The following ANGPT1 variants were observed in gnomAD, a reference collection of about 807,000 sequenced individuals.
ANGPT1 encodes the protein angiopoietin 1.
Under a neutral mutation model 62.2 loss-of-function variants are expected in ANGPT1, and 17 were observed. That is an observed-to-expected ratio of 0.27 (90% CI 0.19 to 0.41). The LOEUF (loss-of-function observed/expected upper bound fraction) is 0.41. Among genes scored for constraint, ANGPT1 ranks in the 10% least tolerant of loss-of-function variants. The pLI, the probability that ANGPT1 is intolerant of heterozygous loss-of-function variation, is 1.00. For synonymous variants in ANGPT1, 199 were observed against 198.9 expected (o/e 1.00, Z 0.00); for missense variants, 478 against 594.9 (o/e 0.80, Z 2.04).
chr8:107,493,497 T>A (rs1265453479), intron 1 of ANGPT1, among the ~76,000 whole-genome samples: 2 of 150,440 alleles, frequency 1.3e-5, no homozygotes, highest in Non-Finnish European at 3.0e-5. Context: ...AATAACCACC[T>A]ACTCTGGACC....
intron 1 of ANGPT1, among the ~76,000 whole-genome samples, chr8:107,478,719 G>A (rs1812599047): frequency 6.6e-6 from 1 of 152,042 alleles, no homozygotes; most frequent in South Asian, 2.1e-4. Context: ...AGTTTTATGT[G>A]CATGCCTACA....
intron 1 of ANGPT1, among the ~76,000 whole-genome samples, chr8:107,396,559 T>G (rs1174692094): frequency 7.2e-6 from 1 of 138,016 alleles, no homozygotes; most frequent in Non-Finnish European, 1.5e-5. Flanking sequence ...TTTCACTTAG[T>G]CACCCAGGCT....
rs576797353 is a variant in ANGPT1, at chr8:107,393,737, G to C, written c.298-46640C>G. Among the ~76,000 whole-genome samples the C allele has an allele frequency of 2.0e-3, 310 of 152,264 alleles. 3 individuals are homozygous for C. The highest frequency in any genetic ancestry group is 5.1e-3 in the Admixed American group (78 of 15,282). ...AGACGAGAGAATCACTTGAACCTGG[G>C]AGACGGTGTTTGCAGTGAACTGAGA... is the stretch of plus-strand genomic sequence containing the variant. On this transcript the variant is annotated intron_variant, in intron 1 of 8. Coordinates refer to ENST00000517746, the MANE Select transcript of ANGPT1 (RefSeq NM_001146.5).
Position 107,390,848 on chromosome 8 carries a change from C to A in ANGPT1, c.298-43751G>T, listed in dbSNP as rs568513822. Among the ~76,000 whole-genome samples, 52 of 152,134 alleles carry A rather than the reference C, an allele frequency of 3.4e-4. No individual in the cohort carries two copies. In the South Asian group the frequency reaches 0.011, roughly 32 times the overall value. On this transcript the variant is annotated intron_variant, in intron 1 of 8. Transcript: ENST00000517746. The stretch of plus-strand genomic sequence containing the variant: ...TCAAGATCACAGATCTAGTGAGAGG[C>A]CAGGCTAGGTTCTGAATCTAGGAAG...
intron 5 of ANGPT1, among the ~76,000 whole-genome samples, chr8:107,299,588 T>C (rs1480704297): frequency 7.1e-6 from 1 of 141,204 alleles, no homozygotes; most frequent in Non-Finnish European, 1.5e-5. Context: ...TATATAGATA[T>C]AGACAGCAGA....
chr8:107,482,590 G>A (rs1812717928), intron 1 of ANGPT1, among the ~76,000 whole-genome samples: 1 of 152,134 alleles, frequency 6.6e-6, no homozygotes, highest in African/African-American at 2.4e-5. Flanking sequence ...CAGATTCAAG[G>A]GGAGGGGAAC....
chr8:107,436,858 G>A (rs1811348748), intron 1 of ANGPT1, among the ~76,000 whole-genome samples: 1 of 152,076 alleles, frequency 6.6e-6, no homozygotes, highest in Non-Finnish European at 1.5e-5. Flanking sequence ...ACATATGGGA[G>A]AAATATTTGA....
chr8:107,493,592 G>C (rs2130546426), intron 1 of ANGPT1, among the ~76,000 whole-genome samples: 1 of 150,630 alleles, frequency 6.6e-6, no homozygotes, highest in Non-Finnish European at 1.5e-5. Flanking sequence ...CTATTGAAGA[G>C]GTAAGGTGTA....
At chr8:107,259,006 A>T (rs1480003712) in intron 8 of ANGPT1, among the ~76,000 whole-genome samples, 1 of 152,162 alleles carries the variant, frequency 6.6e-6, no homozygotes, top group African/African-American at 2.4e-5. Flanking sequence ...GCCACTGGGG[A>T]TACAGTAGTG....
chr8:107,329,087 C>T (rs982725901), intron 3 of ANGPT1, among the ~76,000 whole-genome samples: 2 of 151,918 alleles, frequency 1.3e-5, no homozygotes, highest in Non-Finnish European at 2.9e-5. Context: ...AAATAATCTA[C>T]ACATATATGC....
At chr8:107,444,127 T>C in intron 1 of ANGPT1, among the ~76,000 whole-genome samples, 1 of 152,222 alleles carries the variant, frequency 6.6e-6, no homozygotes, top group Non-Finnish European at 1.5e-5. Context: ...TATGTGGATG[T>C]ATCATTCCTG....
intron 1 of ANGPT1, among the ~76,000 whole-genome samples, chr8:107,374,626 T>C (rs767942596): frequency 5.3e-5 from 8 of 152,196 alleles, no homozygotes; most frequent in Admixed American, 1.3e-4. Flanking sequence ...CTGGACTATT[T>C]CTGTCTGGTC....
chr8:107,314,474 AT>A (rs141616581), intron 4 of ANGPT1, among the ~76,000 whole-genome samples: 2,171 of 151,968 alleles, frequency 0.014, 59 homozygotes, highest in African/African-American at 0.05. Context: ...ACTATTCACA[AT>A]TTTTTTTACA....
At chr8:107,342,091 A>G (rs1815708115) in intron 2 of ANGPT1, among the ~76,000 whole-genome samples, 1 of 152,170 alleles carries the variant, frequency 6.6e-6, no homozygotes, top group South Asian at 2.1e-4. Context: ...AAAAACCCAA[A>G]AAAACATTCA....
intron 1 of ANGPT1, among the ~76,000 whole-genome samples, chr8:107,458,200 G>A (rs1313299169): frequency 6.6e-6 from 1 of 152,058 alleles, no homozygotes; most frequent in Non-Finnish European, 1.5e-5. Context: ...GGACTTAATT[G>A]GGCATTTTAT....
intron 7 of ANGPT1, among the ~76,000 whole-genome samples, chr8:107,266,043 C>T (rs1284410136): frequency 6.6e-6 from 1 of 152,090 alleles, no homozygotes; most frequent in East Asian, 1.9e-4. Context: ...CACAGTAGTA[C>T]AAATAATCTT....
At chr8:107,355,219 G>A (rs935587775) in intron 1 of ANGPT1, among the ~76,000 whole-genome samples, 1 of 151,946 alleles carries the variant, frequency 6.6e-6, no homozygotes, top group Non-Finnish European at 1.5e-5. Flanking sequence ...GTCTCTTGAA[G>A]GCTGCCTAGG....
At chr8:107,331,436 A>G (rs2130100978) in intron 3 of ANGPT1, among the ~76,000 whole-genome samples, 1 of 152,292 alleles carries the variant, frequency 6.6e-6, no homozygotes, top group South Asian at 2.1e-4. Flanking sequence ...CTTTCTTCAA[A>G]TGAATATTTG....
At chr8:107,322,814 C>A in intron 3 of ANGPT1, 1 of 240,582 alleles carries the variant, frequency 4.2e-6, no homozygotes. Flanking sequence ...CAGCAATATA[C>A]ATTCTCAATC....
Sources: allele counts gnomAD v4.1 joint callset (sites outside exome capture counted in the v4.1 genomes callset), GRCh38; gene constraint gnomAD v4.1.1; transcripts MANE v1.5; gene names NCBI Gene and HGNC (gene_info 2026-07-23, HGNC 2026-07-21).